Variants in ROCK2 observed in about 807,000 individuals in gnomAD.
ROCK2 encodes rho-associated protein kinase 2.
ROCK2 carries 61 observed loss-of-function variants against 195.1 expected under a neutral mutation model. The ratio of observed to expected loss-of-function variants is 0.31; its 90% CI spans 0.25 to 0.39. ROCK2 has a LOEUF of 0.39. ROCK2 is among the 10% of genes least tolerant of loss of function. The pLI, the probability that ROCK2 is intolerant of heterozygous loss-of-function variation, is 1.00. For missense variants in ROCK2, 1,109 were observed against 1,637.4 expected (o/e 0.68, Z 5.57); for synonymous variants, 504 against 545.5 (o/e 0.92, Z 1.06).
At chr2:11,217,852 T>G (rs951282852) in intron 11 of ROCK2, 4 of 152,972 alleles carry the variant, frequency 2.6e-5, no homozygotes, top group African/African-American at 9.6e-5. Context: ...TGGTAAAATA[T>G]CAGGCACTTT....
At chr2:11,344,760 C>T (rs969261785), upstream of ROCK2, among the ~76,000 whole-genome samples, 1 of 149,898 alleles carries the variant, frequency 6.7e-6, no homozygotes, top group African/African-American at 2.4e-5. This position sits in a 1 kb window ranked among gnomAD's most constrained non-coding sequence, Gnocchi z 5.4. Context: ...CCTTTCTTTC[C>T]CTTCCTGCGT....
At chr2:11,246,824 T>C (rs893870462) in intron 4 of ROCK2, among the ~76,000 whole-genome samples, 2 of 152,190 alleles carry the variant, frequency 1.3e-5, no homozygotes, top group African/African-American at 4.8e-5. Context: ...ATTATAGGCA[T>C]ATCCAATGAC....
In ROCK2 at chr2:11,290,550, T is replaced by C. The variant is rs556111022; in HGVS notation, c.142-2814A>G. On this transcript the variant is annotated intron_variant, in intron 1 of 32. Transcript: ENST00000315872. ...AGCAATGAAGAAAACGATCTGCCTG[T>C]TTCCAACCGTACAGAAATGACAGGA... Among the ~76,000 whole-genome samples, 12 of 151,862 alleles carry C rather than the reference T, an allele frequency of 7.9e-5. No individual in the cohort carries two copies. In the South Asian group the frequency reaches 1.7e-3, roughly 21 times the overall value.
chr2:11,326,388 A>G (rs1281109432), intron 1 of ROCK2, among the ~76,000 whole-genome samples: 2 of 152,220 alleles, frequency 1.3e-5, no homozygotes, highest in African/African-American at 2.4e-5. Flanking sequence ...CTATAAGATT[A>G]TGGTTTTAGC....
At chr2:11,224,864 T>C (rs893564938) in intron 6 of ROCK2, among the ~76,000 whole-genome samples, 4 of 152,156 alleles carry the variant, frequency 2.6e-5, no homozygotes, top group African/African-American at 9.7e-5. Context: ...AGATATGTTA[T>C]ACAACACAGT....
At position 11,236,023 on chromosome 2, in the gene ROCK2, A is replaced by T. The variant is rs987101501; in HGVS notation, c.463-61T>A. The stretch of plus-strand genomic sequence containing the variant: ...ACCCAAACCAAAAATCATAATCAGA[A>T]CAAAAATTTAAAAAACTATTATTAC... On this transcript the variant is annotated intron_variant, in intron 4 of 32. Transcript: ENST00000315872. 20 of 1,388,568 alleles carry T rather than the reference A, an allele frequency of 1.4e-5. No homozygotes were observed. In the African/African-American group the frequency reaches 2.2e-4, roughly 15 times the overall value. 86.0% of individuals were successfully genotyped at this position (1,388,568 alleles called of 1,614,324 possible). A position where few individuals can be genotyped will look rare whatever the true frequency, so the allele number is the denominator to read the frequency against.
chr2:11,271,985 A>C (rs1666650222), intron 3 of ROCK2, among the ~76,000 whole-genome samples: 1 of 148,542 alleles, frequency 6.7e-6, no homozygotes, highest in Non-Finnish European at 1.5e-5. Context: ...ACACCACTGC[A>C]CTCCAGCCTG....
chr2:11,324,578 T>C (rs115269626), intron 1 of ROCK2, among the ~76,000 whole-genome samples: 6,477 of 152,266 alleles, frequency 0.043, 282 homozygotes, highest in Non-Finnish European at 0.06. Context: ...ATCCAGACAA[T>C]GGAATATTAT....
At chr2:11,248,188 T>C (rs1004163071) in intron 4 of ROCK2, among the ~76,000 whole-genome samples, 1 of 123,430 alleles carries the variant, frequency 8.1e-6, no homozygotes, top group African/African-American at 3.1e-5. Context: ...AGCTTCTAAA[T>C]AACATGGTCA....
chr2:11,223,679 T>C (rs1664712147), intron 7 of ROCK2, among the ~76,000 whole-genome samples: 1 of 152,188 alleles, frequency 6.6e-6, no homozygotes, highest in Non-Finnish European at 1.5e-5. Context: ...GAGCATCCTC[T>C]TGTATATGTT....
chr2:11,326,907 G>T (rs72789543), intron 1 of ROCK2, among the ~76,000 whole-genome samples: 6,472 of 152,202 alleles, frequency 0.043, 279 homozygotes, highest in Non-Finnish European at 0.06. Context: ...TCCCATGAAG[G>T]GGGGAGACCA....
chr2:11,325,616 A>C (rs932080333), intron 1 of ROCK2, among the ~76,000 whole-genome samples: 3 of 152,210 alleles, frequency 2.0e-5, no homozygotes, highest in Admixed American at 6.5e-5. Flanking sequence ...AAGTCAGCAG[A>C]AGTTAGATCA....
At chr2:11,187,423 T>C (rs1238510551) in intron 32 of ROCK2, among the ~76,000 whole-genome samples, 1 of 152,176 alleles carries the variant, frequency 6.6e-6, no homozygotes, top group Non-Finnish European at 1.5e-5. Flanking sequence ...TTTTAAAAAA[T>C]TGTATGTGTA....
Position 11,200,972 on chromosome 2 carries a change from A to G in ROCK2, c.2895T>C (p.Asp965=). Residue 965 remains aspartate, a synonymous_variant, in exon 23 of 33, where the codon GAT becomes GAC. Coordinates refer to ENST00000315872, the MANE Select transcript of ROCK2 (RefSeq NM_004850.5). ...TTTGACTTACAGAAGCAATTGTAGC[A>G]TCTTTTTCCGTAAGTTCCTGTTTGT... ...ARHKQELTEK[D]ATIASLEETN... is the part of the protein sequence containing the mutation. 1 of 1,597,414 alleles carries G rather than the reference A, an allele frequency of 6.3e-7. No homozygotes were observed. Among genetic ancestry groups the G allele is most frequent in the Non-Finnish European group, 8.5e-7 (1 of 1,175,002 alleles).
intron 1 of ROCK2, among the ~76,000 whole-genome samples, chr2:11,291,999 T>C (rs1367713904): frequency 2.6e-5 from 4 of 151,880 alleles, no homozygotes; most frequent in Non-Finnish European, 5.9e-5. Flanking sequence ...CAGACTATGA[T>C]AGTTAATCTG....
Position 11,263,674 on chromosome 2 carries a change from A to ACACACAC in ROCK2, c.325-13877_325-13876insGTGTGTG, listed in dbSNP as rs371194236. Among the ~76,000 whole-genome samples the ACACACAC allele has an allele frequency of 4.6e-4, 67 of 144,262 alleles. No individual in the cohort carries two copies. In the East Asian group the frequency reaches 5.0e-3, roughly 11 times the overall value. The allele number at this position is 144,262 out of a possible 152,430, so 94.6% of individuals were successfully genotyped here. A position where few individuals can be genotyped will look rare whatever the true frequency, so the allele number is the denominator to read the frequency against. ...AGGCACACACACACACACACACACA[A>ACACACAC]AAAAAAACAAAGAGCATGCTCTGAA... On this transcript the variant is annotated intron_variant, in intron 3 of 32. Coordinates refer to ENST00000315872, the MANE Select transcript of ROCK2 (RefSeq NM_004850.5).
intron 23 of ROCK2, among the ~76,000 whole-genome samples, chr2:11,200,662 AC>A (rs1663819062): frequency 6.6e-6 from 1 of 152,180 alleles, no homozygotes; most frequent in South Asian, 2.1e-4. Context: ...TTCAACCTGC[AC>A]GGAACTGTTT....
At chr2:11,323,487 C>T (rs541577738) in intron 1 of ROCK2, among the ~76,000 whole-genome samples, 2 of 152,280 alleles carry the variant, frequency 1.3e-5, no homozygotes, top group East Asian at 3.9e-4. Flanking sequence ...GACATATATG[C>T]TACTCAGATG....
chr2:11,298,712 G>C (rs780951464), intron 1 of ROCK2, among the ~76,000 whole-genome samples: 11 of 152,098 alleles, frequency 7.2e-5, no homozygotes, highest in Non-Finnish European at 1.6e-4. Context: ...TGCTGGGAGG[G>C]AGCAGGTTAT....
Sources: gnomAD v4.1 joint callset for allele counts (sites outside exome capture counted in the v4.1 genomes callset) on GRCh38, gnomAD v4.1.1 for gene constraint, Gnocchi (gnomAD v3.1) non-coding constraint, MANE v1.5 for transcripts, NCBI Gene and HGNC (gene_info 2026-07-23, HGNC 2026-07-21) for gene names.